Variants in COL16A1 observed in about 807,000 individuals in gnomAD.
COL16A1 encodes the protein collagen alpha-1(XVI) chain.
Under a neutral mutation model 266.3 loss-of-function variants are expected in COL16A1, and 189 were observed. The ratio of observed to expected loss-of-function variants is 0.71; its 90% CI spans 0.63 to 0.80. The LOEUF is 0.80. COL16A1 is among the 30% of genes least tolerant of loss of function. COL16A1 has a pLI of 0.00. For missense variants in COL16A1, 1,928 were observed against 2,122.4 expected (o/e 0.91, Z 1.80); for synonymous variants, 740 against 782.3 (o/e 0.95, Z 0.90).
intron 58 of COL16A1, 29 bp from the exon 59 acceptor site, chr1:31,661,733 C>T: frequency 6.3e-7 from 1 of 1,588,004 alleles, no homozygotes; most frequent in Non-Finnish European, 8.5e-7. Context: ...AGGATTGAGA[C>T]AAGAGTTTTG....
Position 31,652,779 on chromosome 1 carries a change from G to C in COL16A1, c.4687C>G (p.Pro1563Ala), listed in dbSNP as rs774177065. 6.3e-7 allele frequency: 1 copy of C among 1,599,006 alleles called. No individual in the cohort carries two copies. Among genetic ancestry groups the C allele is most frequent in the Admixed American group, 1.8e-5 (1 of 55,220 alleles). ...TGGCCCATGGGACCCGGGGGCCCAG[G>C]GATGCCAGGGATGCCTTGCTGGCCC... ...PMGQQGIPGI[P>A]GPPGPMGQPG... The change falls in exon 71 of 71, where the codon CCT becomes GCT. Residue 1563 changes from proline (P) to alanine (A), a missense_variant. Physicochemically the swap from Pro to Ala is conservative, Grantham distance 27. This residue lies in a region of COL16A1 where 376 missense variants were observed against 485.2 expected (regional missense o/e 0.77). Transcript: ENST00000373672. The surrounding 1 kb of genome is among the most constrained non-coding windows in gnomAD (Gnocchi z 4.8).
intron 48 of COL16A1, 141 bp downstream of exon 48, chr1:31,671,474 T>C (rs1642695906): frequency 9.8e-7 from 1 of 1,022,136 alleles, no homozygotes; most frequent in Non-Finnish European, 1.5e-6. Flanking sequence ...GCAGATGCTC[T>C]GCGGAGGGAT....
chr1:31,692,064 G>C lies in COL16A1; in HGVS notation c.1198C>G (p.Gln400Glu), dbSNP rs1268549488. Reference sequence around the variant, plus strand: ...CCTCCGTCGCCCTTCTCGCCTTTCTGGCCCTGGGGAAGGAAGAAGCAGAGT... The same window carrying C: ...CCTCCGTCGCCCTTCTCGCCTTTCTCGCCCTGGGGAAGGAAGAAGCAGAGT... Reference protein sequence around the residue: ...GLPGSTGEKGQKGEKGDGGIK... With the variant: ...GLPGSTGEKGEKGEKGDGGIK... Residue 400 changes from glutamine (Q) to glutamate (E), a missense_variant, in exon 17 of 71, where the codon CAG (glutamine) becomes GAG (glutamate). This residue lies in a region of COL16A1 where 1,552 missense variants were observed against 1,637.2 expected (regional missense o/e 0.95). Coordinates refer to ENST00000373672, the MANE Select transcript of COL16A1 (RefSeq NM_001856.4). The C allele has an allele frequency of 1.2e-6, 2 of 1,613,608 alleles. No individual in the cohort carries two copies. The highest frequency in any genetic ancestry group is 2.7e-5 in the African/African-American group (2 of 74,890).
intron 12 of COL16A1, 61 bp from the exon 13 acceptor site, chr1:31,693,215 G>A (rs775704098): frequency 9.0e-7 from 1 of 1,112,042 alleles, no homozygotes; most frequent in Admixed American, 1.7e-5. Flanking sequence ...CCTTGAGAAA[G>A]CTCTCCCCAC....
chr1:31,679,346 C>A, intron 42 of COL16A1: 1 of 1,420,004 alleles, frequency 7.0e-7, no homozygotes, highest in Non-Finnish European at 9.4e-7. Flanking sequence ...AACAGTGGGC[C>A]GGGCTCTGTA....
chr1:31,689,940 A>C, intron 22 of COL16A1, 89 bp from the exon 23 acceptor site: 1 of 1,127,594 alleles, frequency 8.9e-7, no homozygotes, highest in Non-Finnish European at 1.3e-6. Flanking sequence ...AGCCCTAGAC[A>C]TTGGGTCCAC....
intron 42 of COL16A1, chr1:31,679,113 C>T (rs925582302): frequency 5.2e-5 from 12 of 232,988 alleles, no homozygotes; most frequent in Middle Eastern, 1.4e-3. Flanking sequence ...TATACTCACT[C>T]CCTGCTTTAC....
chr1:31,679,691 GGA>G lies in COL16A1; in HGVS notation c.2719-8_2719-7del, dbSNP rs1214595695. The G allele has an allele frequency of 1.2e-6, 2 of 1,613,892 alleles. No homozygotes were observed. The highest frequency in any genetic ancestry group is 1.3e-5 in the African/African-American group (1 of 74,936). ...CCGGGAATACCTGGTGGACCCTGAGGGAGAGAGAAAAGAGTCAGAGCCAGCAG... is the reference window on the plus strand; with the variant it reads ...CCGGGAATACCTGGTGGACCCTGAGGGAGAGAAAAGAGTCAGAGCCAGCAG... On this transcript the variant is annotated splice_region_variant and splice_polypyrimidine_tract_variant and intron_variant, in intron 41 of 70. Transcript: ENST00000373672.
intron 23 of COL16A1, chr1:31,689,303 G>T: frequency 1.4e-6 from 1 of 727,034 alleles, no homozygotes; most frequent in Non-Finnish European, 2.2e-6. Context: ...AGCTAACCCA[G>T]TGGGAAGTTC....
At chr1:31,676,145 C>A (rs1187928951) in intron 42 of COL16A1, among the ~76,000 whole-genome samples, 1 of 151,930 alleles carries the variant, frequency 6.6e-6, no homozygotes, top group African/African-American at 2.4e-5. Flanking sequence ...GCCAACATGG[C>A]GAAACCCCGT....
At chr1:31,676,254 G>A (rs1643173200) in intron 42 of COL16A1, among the ~76,000 whole-genome samples, 2 of 149,710 alleles carry the variant, frequency 1.3e-5, no homozygotes, top group African/African-American at 4.9e-5. Flanking sequence ...GAACCTGGGA[G>A]ATGGAGGTTG....
chr1:31,703,569 G>A (rs1305851426), intron 1 of COL16A1, among the ~76,000 whole-genome samples: 2 of 152,288 alleles, frequency 1.3e-5, no homozygotes, highest in African/African-American at 2.4e-5. Flanking sequence ...CCTAGTCTCT[G>A]GTCGCCACTC....
chr1:31,682,084 C>G (rs566444118), intron 37 of COL16A1, among the ~76,000 whole-genome samples: 4 of 152,330 alleles, frequency 2.6e-5, no homozygotes, highest in Admixed American at 2.6e-4. Flanking sequence ...TGGCATGGAA[C>G]AGACTGGCTG....
In COL16A1 at chr1:31,683,177, T is replaced by C. The variant is rs77366852; in HGVS notation, c.2469+17A>G. 2.7e-3 allele frequency: 4,308 copies of C among 1,614,042 alleles called. 111 individuals carry two copies. In the African/African-American group the frequency reaches 0.052, roughly 19 times the overall value. On this transcript the variant is annotated intron_variant, in intron 36 of 70. Coordinates refer to ENST00000373672, the MANE Select transcript of COL16A1 (RefSeq NM_001856.4). ...TGGAATACTGCAGGCCCAATACCCA[T>C]GGAGGCAGAGGCTCACCTGGGCACC... is the stretch of plus-strand genomic sequence containing the variant.
At position 31,656,823 on chromosome 1, in the gene COL16A1, T is replaced by TA. The variant is rs58530152; in HGVS notation, c.4056+209dup. On this transcript the variant is annotated intron_variant, in intron 65 of 70. Transcript: ENST00000373672. This position sits in a 1 kb window ranked among gnomAD's most constrained non-coding sequence, Gnocchi z 4.2. The stretch of plus-strand genomic sequence containing the variant: ...TTTCTTTTTGACCAGGTACAGGGTT[T>TA]AAAAAAAAAAAAAAAAAGGTAAAAC... The TA allele has an allele frequency of 0.063, 30,384 of 479,468 alleles. 1,354 individuals carry two copies. The highest frequency in any genetic ancestry group is 0.23 in the African/African-American group (10,636 of 45,992). 29.7% of individuals were successfully genotyped at this position (479,468 alleles called of 1,614,324 possible).
In COL16A1 at chr1:31,695,241, G is replaced by A. The variant is rs766310168; in HGVS notation, c.946-20C>T. ...CGGACACTGAAAGGGAAGAGCAGGC[G>A]AAGAGGTCAATTCTGAGCCCCTGGG... On this transcript the variant is annotated intron_variant, in intron 10 of 70. Coordinates refer to ENST00000373672, the MANE Select transcript of COL16A1 (RefSeq NM_001856.4). 37 of 1,613,486 alleles carry A rather than the reference G, an allele frequency of 2.3e-5. 1 individual carries two copies. Among genetic ancestry groups the A allele is most frequent in the African/African-American group, 1.1e-4 (8 of 74,892 alleles).
chr1:31,683,400 A>G lies in COL16A1; in HGVS notation c.2380-31T>C, dbSNP rs780989093. On this transcript the variant is annotated intron_variant, in intron 34 of 70. Coordinates refer to ENST00000373672, the MANE Select transcript of COL16A1 (RefSeq NM_001856.4). Reference sequence around the variant, plus strand: ...AGTCAGAAAGGGCAGACTAGGGCACAGCAGCCACAGCCAACCTGCCCCACT... The same window carrying G: ...AGTCAGAAAGGGCAGACTAGGGCACGGCAGCCACAGCCAACCTGCCCCACT... 4 of 1,612,738 alleles carry G rather than the reference A, an allele frequency of 2.5e-6. No individual in the cohort carries two copies. The African/African-American group carries it at 4.0e-5, about 16-fold the overall frequency.
At chr1:31,691,268 A>T (rs10798884) in intron 19 of COL16A1, 42 bp from the exon 20 acceptor site, 1,611,390 of 1,611,686 alleles carry the variant, frequency 1, 805,548 homozygotes, top group Middle Eastern at 1. Context: ...TCCAGGGACC[A>T]CTCGCTACAG....
rs550816087 is a variant in COL16A1 at position 31,663,838 on chromosome 1, C to A, written c.3556-1180G>T. Among the ~76,000 whole-genome samples the A allele has an allele frequency of 1.8e-4, 27 of 152,196 alleles. No homozygotes were observed. Among genetic ancestry groups the A allele is most frequent in the Non-Finnish European group, 3.2e-4 (22 of 68,026 alleles). ...ACTGATGCATGGATTGGAATGTTTACCAGAAAAGGCGGGGGGAGGCAAGCA... is the reference window on the plus strand; with the variant it reads ...ACTGATGCATGGATTGGAATGTTTAACAGAAAAGGCGGGGGGAGGCAAGCA... On this transcript the variant is annotated intron_variant, in intron 56 of 70. Transcript: ENST00000373672. This position sits in a 1 kb window ranked among gnomAD's most constrained non-coding sequence, Gnocchi z 4.9.
Sources: gnomAD v4.1 joint callset for allele counts (sites outside exome capture counted in the v4.1 genomes callset) on GRCh38, gnomAD v4.1.1 for gene constraint, gnomAD v4.1.1 regional missense constraint, Gnocchi (gnomAD v3.1) non-coding constraint, MANE v1.5 for transcripts, NCBI Gene and HGNC (gene_info 2026-07-23, HGNC 2026-07-21) for gene names.